PLPP1: variants seen among roughly 807,000 people sequenced by gnomAD.
PLPP1 encodes phospholipid phosphatase 1.
A neutral mutation model predicts 31.2 loss-of-function variants in PLPP1; 24 were observed. That is an observed-to-expected ratio of 0.77 (90% confidence interval 0.56 to 1.08). The LOEUF (loss-of-function observed/expected upper bound fraction) is 1.08. Among genes scored for constraint, PLPP1 ranks in the 50% least tolerant of loss-of-function variants. The pLI, the probability that PLPP1 is intolerant of heterozygous loss-of-function variation, is 0.00. For missense variants in PLPP1, 319 were observed against 342.7 expected (o/e 0.93, Z 0.55); for synonymous variants, 146 against 126.3 (o/e 1.16, Z -1.05).
intron 1 of PLPP1, among the ~76,000 whole-genome samples, chr5:55,501,799 C>T (rs1013013051): frequency 6.6e-6 from 1 of 152,182 alleles, no homozygotes; most frequent in Admixed American, 6.5e-5. Context: ...CCACTGTGCC[C>T]CGCCACTAAC....
At chr5:55,466,633 G>C (rs893879015) in intron 3 of PLPP1, among the ~76,000 whole-genome samples, 1 of 151,904 alleles carries the variant, frequency 6.6e-6, no homozygotes, top group African/African-American at 2.4e-5. Flanking sequence ...AACCCGGGAG[G>C]CAGAGGCTGC....
intron 1 of PLPP1, chr5:55,491,137 A>T: frequency 6.2e-7 from 1 of 1,604,852 alleles, no homozygotes; most frequent in Non-Finnish European, 8.5e-7. Context: ...GGAAAAAAAG[A>T]CACACATGAT....
At chr5:55,511,304 G>A (rs1234177780) in intron 1 of PLPP1, among the ~76,000 whole-genome samples, 1 of 152,150 alleles carries the variant, frequency 6.6e-6, no homozygotes, top group Non-Finnish European at 1.5e-5. Flanking sequence ...CAAGGACGTT[G>A]TACACAGCAT....
intron 1 of PLPP1, among the ~76,000 whole-genome samples, chr5:55,483,128 T>A (rs556118825): frequency 6.6e-6 from 1 of 152,094 alleles, no homozygotes; most frequent in Non-Finnish European, 1.5e-5. Flanking sequence ...TTTTTTAAAA[T>A]TAACTTAGGA....
At chr5:55,455,317 C>T (rs1751982128) in intron 3 of PLPP1, among the ~76,000 whole-genome samples, 1 of 152,194 alleles carries the variant, frequency 6.6e-6, no homozygotes, top group African/African-American at 2.4e-5. Flanking sequence ...CCGGGCACGG[C>T]ACAGTGGCTC....
At chr5:55,435,993 G>A (rs201705081) in intron 4 of PLPP1, among the ~76,000 whole-genome samples, 81 of 139,056 alleles carry the variant, frequency 5.8e-4, no homozygotes, top group East Asian at 1.3e-3. Context: ...CAGCCTGGGC[G>A]ACAGAGTGAG....
In PLPP1 at chr5:55,425,872, T is replaced by C. The variant is rs757859188; in HGVS notation, c.717A>G (p.Ala239=). Residue 239 remains alanine, a synonymous_variant, in exon 5 of 6, where the codon GCA becomes GCG. Transcript: ENST00000307259. ...LTGLIQGALV[A]ILVAVYVSDF... ...TGACCTGTATACTTACAACTAATAT[T>C]GCAACCAGAGCTCCCTGAATGAGTC... is the stretch of plus-strand genomic sequence containing the variant. 3 of 1,604,946 alleles carry C rather than the reference T, an allele frequency of 1.9e-6. No homozygotes were observed. The highest frequency in any genetic ancestry group is 1.7e-6 in the Non-Finnish European group (2 of 1,177,396).
chr5:55,486,591 A>C (rs1323717186), intron 1 of PLPP1, among the ~76,000 whole-genome samples: 1 of 151,960 alleles, frequency 6.6e-6, no homozygotes, highest in Non-Finnish European at 1.5e-5. Context: ...ATCTCAAAAA[A>C]TACAATAAAA....
At chr5:55,503,541 C>T (rs1038158815) in intron 1 of PLPP1, among the ~76,000 whole-genome samples, 3 of 150,242 alleles carry the variant, frequency 2.0e-5, no homozygotes, top group Non-Finnish European at 3.0e-5. Flanking sequence ...TTTGGGAGGC[C>T]GAGGCAGGCA....
chr5:55,513,118 T>C (rs886856967), intron 1 of PLPP1, among the ~76,000 whole-genome samples: 1 of 152,160 alleles, frequency 6.6e-6, no homozygotes, highest in Non-Finnish European at 1.5e-5. Flanking sequence ...TTTCTAGTCT[T>C]AGCAATTCTA....
intron 1 of PLPP1, 44 bp downstream of exon 1, chr5:55,534,528 G>A (rs1040786439): frequency 6.6e-6 from 10 of 1,513,358 alleles, no homozygotes; most frequent in Non-Finnish European, 5.3e-6. Context: ...AAGCCCTCCC[G>A]GGACAGCCGC....
intron 1 of PLPP1, among the ~76,000 whole-genome samples, chr5:55,516,493 A>T (rs1420305456): frequency 6.6e-6 from 1 of 152,228 alleles, no homozygotes; most frequent in Admixed American, 6.5e-5. Context: ...TACCTAAGAC[A>T]GTGCTTGGCA....
chr5:55,530,277 T>C lies in PLPP1; in HGVS notation c.58+4295A>G, dbSNP rs1397592534. On this transcript the variant is annotated intron_variant, in intron 1 of 5. Coordinates refer to ENST00000307259, the MANE Select transcript of PLPP1 (RefSeq NM_003711.4). ...TCTCTGATTTAGATGACTAACGAAATTTCTGGTAATCTGGCTAGGATCTCC... is the reference window on the plus strand; with the variant it reads ...TCTCTGATTTAGATGACTAACGAAACTTCTGGTAATCTGGCTAGGATCTCC... 14 of 1,509,140 alleles carry C rather than the reference T, an allele frequency of 9.3e-6. No homozygotes were observed. The Admixed American group carries it at 2.2e-4, about 23-fold the overall frequency. 93.5% of individuals were successfully genotyped at this position (1,509,140 alleles called of 1,614,324 possible). A position where few individuals can be genotyped will look rare whatever the true frequency, so the allele number is the denominator to read the frequency against.
chr5:55,444,771 G>GTGTGTGTGTGTGTGT (rs369243024), intron 3 of PLPP1, among the ~76,000 whole-genome samples: 39 of 150,904 alleles, frequency 2.6e-4, no homozygotes, highest in Non-Finnish European at 3.5e-4. Flanking sequence ...GTGTGTGTGT[G>GTGTGTGTGTGTGTGT]ATGGAGTCTC....
intron 1 of PLPP1, among the ~76,000 whole-genome samples, chr5:55,502,980 T>C (rs1753178881): frequency 1.3e-5 from 2 of 152,220 alleles, no homozygotes; most frequent in Admixed American, 6.5e-5. Context: ...CAAGTATGAC[T>C]GGGTACCCTC....
chr5:55,429,420 G>A (rs956570083), intron 4 of PLPP1, among the ~76,000 whole-genome samples: 1 of 152,106 alleles, frequency 6.6e-6, no homozygotes, highest in African/African-American at 2.4e-5. Context: ...GCAAGGCAGG[G>A]TACCTGGCAG....
chr5:55,479,286 C>T (rs2111821879), intron 1 of PLPP1, among the ~76,000 whole-genome samples: 1 of 152,276 alleles, frequency 6.6e-6, no homozygotes, highest in Middle Eastern at 3.4e-3. Flanking sequence ...CTTAGTCTCC[C>T]AAAGTGCTGG....
At position 55,489,378 on chromosome 5, in the gene PLPP1, C is replaced by T. The variant is rs573476770; in HGVS notation, c.59-13928G>A. 7.2e-5 allele frequency among the ~76,000 whole-genome samples: 11 copies of T among 152,250 alleles called. No individual in the cohort carries two copies. In the South Asian group the frequency reaches 1.9e-3, roughly 26 times the overall value. On this transcript the variant is annotated intron_variant, in intron 1 of 5. Coordinates refer to ENST00000307259, the MANE Select transcript of PLPP1 (RefSeq NM_003711.4). The stretch of plus-strand genomic sequence containing the variant: ...TACAGAAACACCGTCTATTGTCATC[C>T]AAGTGGCAGTACTTCCCTGCACACA...
intron 1 of PLPP1, among the ~76,000 whole-genome samples, chr5:55,492,865 C>T (rs368948587): frequency 5.3e-5 from 8 of 152,190 alleles, no homozygotes; most frequent in African/African-American, 1.9e-4. Context: ...ACCAGGATTC[C>T]AACACAAGCT....
Sources: gnomAD v4.1 joint callset for allele counts (sites outside exome capture counted in the v4.1 genomes callset) on GRCh38, gnomAD v4.1.1 for gene constraint, MANE v1.5 for transcripts, NCBI Gene and HGNC (gene_info 2026-07-23, HGNC 2026-07-21) for gene names.